Variants in PREPL observed in about 807,000 individuals in gnomAD.
PREPL encodes prolyl endopeptidase like.
Under a neutral mutation model 70.6 loss-of-function variants are expected in PREPL, and 77 were observed. That is an observed-to-expected ratio of 1.09 (90% CI 0.91 to 1.32). PREPL has a LOEUF of 1.32. Among genes scored for constraint, PREPL ranks in the 40% most tolerant of loss-of-function variants. PREPL has a pLI of 0.00. For synonymous variants in PREPL, 315 were observed against 264.8 expected (o/e 1.19, Z -1.84); for missense variants, 1,002 against 778.2 (o/e 1.29, Z -3.42).
intron 1 of PREPL, among the ~76,000 whole-genome samples, chr2:44,355,758 T>C (rs1676968377): frequency 1.3e-5 from 1 of 75,452 alleles, no homozygotes; most frequent in African/African-American, 4.8e-5. Context: ...ATATTATATA[T>C]ATATATATAT....
In PREPL at chr2:44,326,771, C is replaced by T. The variant is rs780954540; in HGVS notation, c.1420G>A (p.Val474Met). ...GAATTACACAATGCTCCTGCAAGCA[C>T]CCCTCCAGCACTGAAAGCAGTCAGG... ...TTLTAFSAGGVLAGALCNSNP... is the reference protein window; with the variant it reads ...TTLTAFSAGGMLAGALCNSNP... The change falls in exon 10 of 14, where the codon GTG becomes ATG. Residue 474 changes from valine to methionine, a missense_variant. By Grantham distance (21) the Val-to-Met change is conservative (BLOSUM62 1). Transcript: ENST00000409411. 1.8e-5 allele frequency: 29 copies of T among 1,614,170 alleles called. No homozygotes were observed. The highest frequency in any genetic ancestry group is 9.9e-5 in the South Asian group (9 of 91,082).
At chr2:44,324,634 T>C (rs777307871) in intron 10 of PREPL, among the ~76,000 whole-genome samples, 23 of 152,262 alleles carry the variant, frequency 1.5e-4, no homozygotes, top group African/African-American at 2.6e-4. Context: ...TCCCAGCACA[T>C]TGGGAGGCTG....
rs1427373710 is a variant in PREPL at position 44,318,808 on chromosome 2, G to A, written c.*2548C>T. Reference sequence around the variant, plus strand: ...TAGCAGACAAAATATAGTTCAATATGAAAAGCATTATATGAGACAAAGGCA... The same window carrying A: ...TAGCAGACAAAATATAGTTCAATATAAAAAGCATTATATGAGACAAAGGCA... On this transcript the variant is annotated 3_prime_UTR_variant, in exon 14 of 14. Coordinates refer to ENST00000409411, the MANE Select transcript of PREPL (RefSeq NM_001171613.2). 1 of 152,094 alleles carries A rather than the reference G, an allele frequency of 6.6e-6. No homozygotes were observed. Among genetic ancestry groups the A allele is most frequent in the Non-Finnish European group, 1.5e-5 (1 of 68,010 alleles). 9.4% of individuals were successfully genotyped at this position (152,094 alleles called of 1,614,324 possible). A position where few individuals can be genotyped will look rare whatever the true frequency, so the allele number is the denominator to read the frequency against.
chr2:44,357,787 C>G (rs745685525), intron 1 of PREPL, among the ~76,000 whole-genome samples: 1 of 151,966 alleles, frequency 6.6e-6, no homozygotes, highest in Non-Finnish European at 1.5e-5. Context: ...ATAAAATAAC[C>G]TAAAGGTCCA....
intron 12 of PREPL, 42 bp from the exon 13 acceptor site, chr2:44,321,942 G>T: frequency 1.3e-6 from 2 of 1,568,156 alleles, no homozygotes; most frequent in Non-Finnish European, 1.7e-6. Context: ...GATTGTATGG[G>T]ATCTTCTTTG....
Position 44,343,939 on chromosome 2 carries a change from T to C in PREPL, c.155A>G (p.Asn52Ser), listed in dbSNP as rs747695558. The C allele has an allele frequency of 6.2e-7, 1 of 1,613,870 alleles. No homozygotes were observed. The highest frequency in any genetic ancestry group is 8.5e-7 in the Non-Finnish European group (1 of 1,179,902). The change falls in exon 4 of 14, where the codon AAT becomes AGT. Residue 52 changes from asparagine to serine, a missense_variant. Physicochemically the swap from Asn to Ser is conservative, Grantham distance 46. Transcript: ENST00000409411. ...RSKDEEADND[N>S]YEVLFNLEEL... ...CTCCAAATTGAATAAAACTTCATAA[T>C]TATCATTGTCTGCTGTATAAAGAAA...
intron 1 of PREPL, among the ~76,000 whole-genome samples, chr2:44,354,283 TATTA>T (rs770275606): frequency 1.1e-4 from 16 of 152,234 alleles, no homozygotes; most frequent in Admixed American, 2.0e-4. Flanking sequence ...TTAATTTAAC[TATTA>T]ATTCATTCTA....
At position 44,317,621 on chromosome 2, in the gene PREPL, T is replaced by A. The variant is rs1486897222; in HGVS notation, c.*3735A>T. On this transcript the variant is annotated 3_prime_UTR_variant, in exon 14 of 14. Coordinates refer to ENST00000409411, the MANE Select transcript of PREPL (RefSeq NM_001171613.2). ...GAGAAACATTATTTTCAAGTGGTCATAATTTTAATGGTAAAATTAGGACAT... is the reference window on the plus strand; with the variant it reads ...GAGAAACATTATTTTCAAGTGGTCAAAATTTTAATGGTAAAATTAGGACAT... 9 of 152,684 alleles carry A rather than the reference T, an allele frequency of 5.9e-5. No homozygotes were observed. Among genetic ancestry groups the A allele is most frequent in the Admixed American group, 3.3e-4 (5 of 15,308 alleles). 9.5% of individuals were successfully genotyped at this position (152,684 alleles called of 1,614,324 possible).
rs752064756 is a variant in PREPL, at chr2:44,346,387, G to A, written c.-45C>T. On this transcript the variant is annotated 5_prime_UTR_variant, in exon 2 of 14. Transcript: ENST00000409411. ...TCGTTTTCTTGTTTAACAGGCTGAA[G>A]ATCCTGGAAAAAGTTTTGTTATGAT... 6.2e-7 allele frequency: 1 copy of A among 1,610,208 alleles called. No homozygotes were observed. Among genetic ancestry groups the A allele is most frequent in the Non-Finnish European group, 8.5e-7 (1 of 1,178,970 alleles).
intron 1 of PREPL, among the ~76,000 whole-genome samples, chr2:44,353,828 G>A (rs561531766): frequency 6.6e-6 from 1 of 152,100 alleles, no homozygotes; most frequent in South Asian, 2.1e-4. Flanking sequence ...TAATAAAGTT[G>A]TACCCCAATC....
At chr2:44,324,171 C>A (rs1673259266) in intron 10 of PREPL, among the ~76,000 whole-genome samples, 1 of 152,132 alleles carries the variant, frequency 6.6e-6, no homozygotes, top group African/African-American at 2.4e-5. Context: ...GTGAAATAAG[C>A]CAGTCACAAA....
At chr2:44,342,607 A>AG in intron 4 of PREPL, 55 bp from the exon 5 acceptor site, 2 of 1,395,562 alleles carry the variant, frequency 1.4e-6, no homozygotes, top group Non-Finnish European at 2.0e-6. Flanking sequence ...CATTAAAAAA[A>AG]AAAAAAAAGC....
intron 6 of PREPL, among the ~76,000 whole-genome samples, chr2:44,338,906 G>T (rs1367404813): frequency 6.6e-6 from 1 of 152,194 alleles, no homozygotes; most frequent in African/African-American, 2.4e-5. Context: ...GCTCTTTTAA[G>T]CTACTAAGTT....
At chr2:44,347,903 A>T in intron 1 of PREPL, among the ~76,000 whole-genome samples, 1 of 152,250 alleles carries the variant, frequency 6.6e-6, no homozygotes, top group East Asian at 1.9e-4. Context: ...CGGAAAAATC[A>T]CCAAAACAAA....
rs773992884 is a variant in PREPL at position 44,339,345 on chromosome 2, A to G, written c.504T>C (p.Tyr168=). 1 of 1,613,986 alleles carries G rather than the reference A, an allele frequency of 6.2e-7. No homozygotes were observed. The highest frequency in any genetic ancestry group is 8.5e-7 in the Non-Finnish European group (1 of 1,179,944). ...EKDPSYFVFL[Y]LTKDSRFLTI... ...TGAGGAAACGACTGTCTTTTGTAAGATAAAGGAAAACAAAGTAGCTAGAGA... is the reference window on the plus strand; with the variant it reads ...TGAGGAAACGACTGTCTTTTGTAAGGTAAAGGAAAACAAAGTAGCTAGAGA... The change falls in exon 6 of 14, where the codon TAT becomes TAC. Residue 168 remains tyrosine, a synonymous_variant. Coordinates refer to ENST00000409411, the MANE Select transcript of PREPL (RefSeq NM_001171613.2).
At chr2:44,338,665 C>T (rs1040498682) in intron 6 of PREPL, 129 bp from the exon 7 acceptor site, 3 of 758,852 alleles carry the variant, frequency 4.0e-6, no homozygotes, top group Non-Finnish European at 6.2e-6. Context: ...GGAACTAACG[C>T]TGCATCAGGG....
At chr2:44,344,402 A>AC in intron 3 of PREPL, 118 bp downstream of exon 3, 1 of 839,164 alleles carries the variant, frequency 1.2e-6, no homozygotes, top group Non-Finnish European at 1.8e-6. Flanking sequence ...CATTAAAAAA[A>AC]AATTCAGAAA....
Position 44,323,330 on chromosome 2 carries a change from G to T in PREPL, c.1561C>A (p.Pro521Thr), listed in dbSNP as rs1197270642. 2 of 1,604,546 alleles carry T rather than the reference G, an allele frequency of 1.2e-6. No individual in the cohort carries two copies. Among genetic ancestry groups the T allele is most frequent in the East Asian group, 2.2e-5 (1 of 44,712 alleles). The change falls in exon 11 of 14, where the codon CCT becomes ACT. Residue 521 changes from proline to threonine, a missense_variant. Transcript: ENST00000409411. ...TTCTTGTGTTTTTCATCAGATGAAG[G>T]ATTCCCCCATTCTTCTAATTCTTCT... ...TLEELEEWGN[P>T]SSDEKHKNYI...
chr2:44,333,509 A>T (rs565601865), intron 7 of PREPL, among the ~76,000 whole-genome samples: 1 of 152,052 alleles, frequency 6.6e-6, no homozygotes, highest in Non-Finnish European at 1.5e-5. Context: ...GCACAGAAAC[A>T]TCACTGGTGG....
Sources: gnomAD v4.1 joint callset for allele counts (sites outside exome capture counted in the v4.1 genomes callset) on GRCh38, gnomAD v4.1.1 for gene constraint, MANE v1.5 for transcripts, NCBI Gene and HGNC (gene_info 2026-07-23, HGNC 2026-07-21) for gene names.